The following DENND2A variants were observed in gnomAD, a reference collection of about 807,000 sequenced individuals.
The protein encoded by DENND2A is DENN domain containing 2A, also known as DENN domain-containing protein 2A.
In DENND2A, 53 loss-of-function variants were observed where a neutral mutation model predicts 105.3. The observed-to-expected ratio is 0.50, with a 90% CI of 0.40 to 0.63. The LOEUF (loss-of-function observed/expected upper bound fraction) is 0.63, where lower values mean the gene tolerates loss of function less well. DENND2A is among the 30% of genes least tolerant of loss of function. The pLI is 0.00. For missense variants in DENND2A, 1,138 were observed against 1,279.6 expected (o/e 0.89, Z 1.69); for synonymous variants, 522 against 508.4 (o/e 1.03, Z -0.36).
At chr7:140,599,730 G>A (rs2130681212) in intron 3 of DENND2A, among the ~76,000 whole-genome samples, 1 of 151,878 alleles carries the variant, frequency 6.6e-6, no homozygotes, top group Non-Finnish European at 1.5e-5. Context: ...TCTAGAATAT[G>A]CAAACTTTTT....
intron 14 of DENND2A, among the ~76,000 whole-genome samples, chr7:140,538,553 C>T (rs933491616): frequency 2.0e-5 from 3 of 151,804 alleles, no homozygotes; most frequent in Admixed American, 6.6e-5. Context: ...GTTGCCCAGG[C>T]TGGAGTGTAG....
At chr7:140,539,710 G>A (rs542342271) in intron 14 of DENND2A, among the ~76,000 whole-genome samples, 4 of 152,334 alleles carry the variant, frequency 2.6e-5, no homozygotes, top group East Asian at 1.9e-4. Context: ...CTCAGAAGGC[G>A]CCCGGCACAG....
At chr7:140,627,287 C>T (rs1800567863) in intron 1 of DENND2A, among the ~76,000 whole-genome samples, 1 of 152,070 alleles carries the variant, frequency 6.6e-6, no homozygotes, top group Non-Finnish European at 1.5e-5. Context: ...TCTTGGCTCA[C>T]TGCAACCTCC....
intron 1 of DENND2A, among the ~76,000 whole-genome samples, chr7:140,606,155 C>T (rs2130695326): frequency 6.6e-6 from 1 of 152,242 alleles, no homozygotes; most frequent in South Asian, 2.1e-4. Context: ...ATTCTCGTGC[C>T]TCAGCCTCCC....
At chr7:140,588,124 T>C (rs1365081716) in intron 3 of DENND2A, among the ~76,000 whole-genome samples, 2 of 152,126 alleles carry the variant, frequency 1.3e-5, no homozygotes, top group African/African-American at 4.8e-5. Flanking sequence ...TTGGCCAGGC[T>C]GGTCTCGAAC....
chr7:140,581,968 TG>T (rs202134537), intron 5 of DENND2A, among the ~76,000 whole-genome samples: 4 of 99,110 alleles, frequency 4.0e-5, no homozygotes, highest in African/African-American at 1.9e-4. Flanking sequence ...CTTGGGCAGA[TG>T]TTTTTTTTTT....
At chr7:140,540,203 T>G (rs1445800500) in intron 14 of DENND2A, among the ~76,000 whole-genome samples, 1 of 152,224 alleles carries the variant, frequency 6.6e-6, no homozygotes, top group Admixed American at 6.5e-5. Context: ...GGCACCACAA[T>G]TATCCACGTT....
chr7:140,557,509 G>GTGTATATATATATA (rs1554467279), intron 11 of DENND2A, among the ~76,000 whole-genome samples: 3 of 16,766 alleles, frequency 1.8e-4, no homozygotes, highest in African/African-American at 2.7e-4. Context: ...TTATTTTTTA[G>GTGTATATATATATA]TATATATATA....
rs577697461 is a variant in DENND2A, at chr7:140,586,028, T to C, written c.1124-318A>G. On this transcript the variant is annotated intron_variant, in intron 4 of 19. Transcript: ENST00000496613. ...TCTAAGCCTAAGTGATATCACTGCA[T>C]GGCATTCCCCGGCTCTAAAGGTGAA... 5.3e-5 allele frequency among the ~76,000 whole-genome samples: 8 copies of C among 152,218 alleles called. No individual in the cohort carries two copies. The South Asian group carries it at 1.5e-3, about 28-fold the overall frequency.
In DENND2A at chr7:140,601,607, T is replaced by G; in HGVS notation, c.791A>C (p.Asn264Thr). 1 of 1,613,816 alleles carries G rather than the reference T, an allele frequency of 6.2e-7. No homozygotes were observed. The change falls in exon 3 of 20, where the codon AAC (asparagine) becomes ACC (threonine). Residue 264 changes from asparagine to threonine, a missense_variant. Physicochemically the swap from Asn to Thr is moderately conservative, Grantham distance 65 (BLOSUM62 0). Coordinates refer to ENST00000496613, the MANE Select transcript of DENND2A (RefSeq NM_015689.5). Reference sequence around the variant, plus strand: ...CGTTCTCCGGGGTTTTGGCAGAGGGTTGATGAAGGGCTTTGTGGGGGAACC... The same window carrying G: ...CGTTCTCCGGGGTTTTGGCAGAGGGGTGATGAAGGGCTTTGTGGGGGAACC... ...SEGSPTKPFI[N>T]PLPKPRRTFK... is the part of the protein sequence containing the mutation.
intron 8 of DENND2A, 62 bp from the exon 9 acceptor site, chr7:140,567,335 AG>A: frequency 7.0e-7 from 1 of 1,426,362 alleles, no homozygotes. Flanking sequence ...AGAGAGAGAG[AG>A]AGAGAGAGAC....
rs1431101179 is a variant in DENND2A at position 140,583,913 on chromosome 7, A to G, written c.1245+1676T>C. 4.2e-5 allele frequency among the ~76,000 whole-genome samples: 6 copies of G among 142,038 alleles called. 1 individual carries two copies. The highest frequency in any genetic ancestry group is 1.4e-4 in the Admixed American group (2 of 14,502). The allele number at this position is 142,038 out of a possible 152,430, so 93.2% of individuals were successfully genotyped here. A position where few individuals can be genotyped will look rare whatever the true frequency, so the allele number is the denominator to read the frequency against. On this transcript the variant is annotated intron_variant, in intron 5 of 19. Transcript: ENST00000496613. ...TGCACTCCAGCCTGGGCGACAGAGC[A>G]AGACTCCGTCTCGAAAAAAAAAAAA...
chr7:140,578,619 G>A (rs892287464), intron 5 of DENND2A, among the ~76,000 whole-genome samples: 7 of 152,200 alleles, frequency 4.6e-5, no homozygotes, highest in Non-Finnish European at 1.0e-4. Context: ...AGTGGCTCAC[G>A]CCTGTAATCC....
intron 12 of DENND2A, among the ~76,000 whole-genome samples, chr7:140,552,462 T>A (rs1797177603): frequency 6.6e-6 from 1 of 151,530 alleles, no homozygotes; most frequent in Non-Finnish European, 1.5e-5. Context: ...GGTGTGAACA[T>A]GACTCGCTGC....
In DENND2A at chr7:140,601,650, C is replaced by G; in HGVS notation, c.748G>C (p.Val250Leu). The G allele has an allele frequency of 6.2e-7, 1 of 1,612,964 alleles. No homozygotes were observed. ...RRPWDRSLEN[V>L]YRGSEGSPTK... ...GGGGAACCCTCCGAGCCCCTATACA[C>G]GTTCTCAAGGCTCCGGTCCCAGGGC... Residue 250 changes from valine to leucine, a missense_variant, in exon 3 of 20, where the codon GTG becomes CTG. Coordinates refer to ENST00000496613, the MANE Select transcript of DENND2A (RefSeq NM_015689.5).
chr7:140,531,930 C>T (rs888770666), intron 14 of DENND2A, among the ~76,000 whole-genome samples: 7 of 151,524 alleles, frequency 4.6e-5, no homozygotes, highest in African/African-American at 7.3e-5. Context: ...TTGTGGGCTG[C>T]AATGAAAAGG....
At chr7:140,552,679 T>C (rs1401239212) in intron 12 of DENND2A, among the ~76,000 whole-genome samples, 1 of 152,118 alleles carries the variant, frequency 6.6e-6, no homozygotes, top group Non-Finnish European at 1.5e-5. Flanking sequence ...ATTACAGCTG[T>C]GAGCCACTGC....
intron 12 of DENND2A, among the ~76,000 whole-genome samples, chr7:140,553,062 CAG>C (rs1484938275): frequency 2.0e-5 from 3 of 151,996 alleles, no homozygotes; most frequent in South Asian, 2.1e-4. Context: ...GAAAAAGACA[CAG>C]AGACAAAGTA....
rs956401599 is a variant in DENND2A, at chr7:140,534,291, G to A, written c.2328-6796C>T. 2.6e-5 allele frequency among the ~76,000 whole-genome samples: 4 copies of A among 151,074 alleles called. No homozygotes were observed. In the South Asian group the frequency reaches 6.3e-4, roughly 24 times the overall value. On this transcript the variant is annotated intron_variant, in intron 14 of 19. Coordinates refer to ENST00000496613, the MANE Select transcript of DENND2A (RefSeq NM_015689.5). ...GTAGAGACGGGGTTTCACCATGTTG[G>A]CCTGGCTTATCTCTAACTCTTGACC...
Sources: gnomAD v4.1 joint callset for allele counts (sites outside exome capture counted in the v4.1 genomes callset) on GRCh38, gnomAD v4.1.1 for gene constraint, MANE v1.5 for transcripts, NCBI Gene and HGNC (gene_info 2026-07-23, HGNC 2026-07-21) for gene names.